Variants in ALMS1 observed in about 807,000 individuals in gnomAD.
ALMS1 encodes the protein centrosome-associated protein ALMS1.
A neutral mutation model predicts 352.2 loss-of-function variants in ALMS1; 271 were observed. The ratio of observed to expected loss-of-function variants is 0.77; its 90% CI spans 0.70 to 0.85. The LOEUF (loss-of-function observed/expected upper bound fraction) is 0.85, where lower values mean the gene tolerates loss of function less well. Ranked by LOEUF, ALMS1 falls within the 40% of genes least tolerant of loss-of-function variation. The pLI, the probability that ALMS1 is intolerant of heterozygous loss-of-function variation, is 0.00. For missense variants in ALMS1, 5,445 were observed against 4,870.7 expected, an observed-to-expected ratio of 1.12 and a Z score of -3.51; for synonymous variants, 1,865 against 1,761.2, an observed-to-expected ratio of 1.06 and a Z score of -1.48.
At position 73,449,570 on chromosome 2, in the gene ALMS1, C is replaced by T. The variant is rs1671883399; in HGVS notation, c.3043C>T (p.Gln1015Ter). 6.2e-7 allele frequency: 1 copy of T among 1,614,090 alleles called. No homozygotes were observed. Among genetic ancestry groups the T allele is most frequent in the Admixed American group, 1.7e-5 (1 of 59,996 alleles). ...HREKPSIFYQ[Q>*]EWPDSYATEK... ...AGAGAAGCCCAGTATTTTCTATCAACAGGAGTGGCCAGATAGTTATGCAAC... is the reference window on the plus strand; with the variant it reads ...AGAGAAGCCCAGTATTTTCTATCAATAGGAGTGGCCAGATAGTTATGCAAC... Residue 1015 changes from glutamine (Q) to a stop codon, truncating the protein, a stop_gained, in exon 8 of 23, where the codon CAG becomes TAG. Coordinates refer to ENST00000613296, the MANE Select transcript of ALMS1 (RefSeq NM_001378454.1). LOFTEE classifies it high-confidence loss of function.
intron 9 of ALMS1, chr2:73,459,097 G>GT (rs1672132893): frequency 1.3e-5 from 2 of 152,142 alleles, no homozygotes; most frequent in South Asian, 4.1e-4. Context: ...TGTTTCTTCT[G>GT]TTTTTTCTTT....
chr2:73,411,341 A>G (rs1477127529), intron 2 of ALMS1, among the ~76,000 whole-genome samples: 1 of 152,112 alleles, frequency 6.6e-6, no homozygotes, highest in South Asian at 2.1e-4. Flanking sequence ...CAGAGGGAGC[A>G]TGACCCTGCC....
chr2:73,403,787 C>T (rs1670917731), intron 1 of ALMS1, among the ~76,000 whole-genome samples: 1 of 152,008 alleles, frequency 6.6e-6, no homozygotes, highest in Non-Finnish European at 1.5e-5. Context: ...TTTTTTGATG[C>T]TATCATAAGT....
chr2:73,530,806 A>G (rs1238003207), intron 11 of ALMS1, among the ~76,000 whole-genome samples: 1 of 152,182 alleles, frequency 6.6e-6, no homozygotes, highest in East Asian at 1.9e-4. Flanking sequence ...TCTTCTGTGC[A>G]TCTGTAGGCC....
intron 11 of ALMS1, 38 bp from the exon 12 acceptor site, chr2:73,534,786 G>A (rs1015945596): frequency 6.2e-7 from 1 of 1,605,474 alleles, no homozygotes; most frequent in Non-Finnish European, 8.5e-7. Context: ...ATTAACAAAT[G>A]TTTTTCATAT....
Position 73,449,018 on chromosome 2 carries a change from C to T in ALMS1, c.2491C>T (p.Pro831Ser). 1 of 1,613,832 alleles carries T rather than the reference C, an allele frequency of 6.2e-7. No homozygotes were observed. The highest frequency in any genetic ancestry group is 8.5e-7 in the Non-Finnish European group (1 of 1,179,894). ...ACAGGCCTTGCTGGACAGCCATCTA[C>T]CCGAAGAGGCTCTGAAAGTTTCAGC... Reference protein sequence around the residue: ...YQQALLDSHLPEEALKVSAVS... With the variant: ...YQQALLDSHLSEEALKVSAVS... The change falls in exon 8 of 23, where the codon CCC becomes TCC. Residue 831 changes from proline (P) to serine (S), a missense_variant. Coordinates refer to ENST00000613296, the MANE Select transcript of ALMS1 (RefSeq NM_001378454.1).
chr2:73,394,795 A>G (rs1670719852), intron 1 of ALMS1, among the ~76,000 whole-genome samples: 1 of 152,030 alleles, frequency 6.6e-6, no homozygotes, highest in Non-Finnish European at 1.5e-5. Flanking sequence ...CCTAGATGGC[A>G]TAGCCTACTA....
Position 73,502,894 on chromosome 2 carries a change from G to A in ALMS1, c.9539+11396G>A, listed in dbSNP as rs192169948. On this transcript the variant is annotated intron_variant, in intron 10 of 22. Transcript: ENST00000613296. The stretch of plus-strand genomic sequence containing the variant: ...TATAGAAAAGGTAAATATGGCACAA[G>A]GAACTTCTCTTTCTCCTTAGTTATT... 9.2e-5 allele frequency among the ~76,000 whole-genome samples: 14 copies of A among 152,200 alleles called. No individual in the cohort carries two copies. The East Asian group carries it at 2.7e-3, about 29-fold the overall frequency.
chr2:73,549,345 C>T (rs1365562681), intron 12 of ALMS1, among the ~76,000 whole-genome samples: 1 of 152,064 alleles, frequency 6.6e-6, no homozygotes, highest in African/African-American at 2.4e-5. Context: ...TCAGATTAAT[C>T]TTCTGGAAAC....
chr2:73,399,933 A>ACTG (rs1670839407), intron 1 of ALMS1, among the ~76,000 whole-genome samples: 1 of 139,564 alleles, frequency 7.2e-6, no homozygotes, highest in Admixed American at 7.4e-5. Flanking sequence ...GATTATATTA[A>ACTG]TTGTTTTTTT....
intron 16 of ALMS1, among the ~76,000 whole-genome samples, chr2:73,597,588 A>G (rs1044143972): frequency 6.6e-6 from 1 of 152,096 alleles, no homozygotes; most frequent in Admixed American, 6.5e-5. Flanking sequence ...TTTTAACATC[A>G]TTTTAGTCTC....
chr2:73,459,273 T>G (rs1672136102), intron 9 of ALMS1: 1 of 152,168 alleles, frequency 6.6e-6, no homozygotes, highest in South Asian at 2.1e-4. Context: ...CACATTATGT[T>G]GATTTGTCTC....
chr2:73,544,106 G>A (rs924415147), intron 12 of ALMS1, among the ~76,000 whole-genome samples: 2 of 152,076 alleles, frequency 1.3e-5, no homozygotes, highest in African/African-American at 2.4e-5. Flanking sequence ...ACAAAGATTT[G>A]GAACCAACCC....
intron 7 of ALMS1, among the ~76,000 whole-genome samples, chr2:73,445,653 C>G (rs1197123140): frequency 2.6e-5 from 4 of 152,032 alleles, no homozygotes; most frequent in Non-Finnish European, 4.4e-5. Context: ...ACCTAGGAAG[C>G]CTTCTGTGTT....
chr2:73,395,832 A>T (rs1670748774), intron 1 of ALMS1, among the ~76,000 whole-genome samples: 1 of 152,072 alleles, frequency 6.6e-6, no homozygotes, highest in Non-Finnish European at 1.5e-5. Flanking sequence ...ATTCAATAGG[A>T]GGGGTAAGAG....
In ALMS1 at chr2:73,426,554, G is replaced by A. The variant is rs1671382976; in HGVS notation, c.1338+1G>A. 1.2e-6 allele frequency: 2 copies of A among 1,613,376 alleles called. No individual in the cohort carries two copies. The highest frequency in any genetic ancestry group is 1.3e-5 in the African/African-American group (1 of 74,916). The stretch of plus-strand genomic sequence containing the variant: ...AAGAGTTGCTGAACTACAAAGAAAG[G>A]TGAGACACAATAAAATGATAGTTGT... On this transcript the variant is annotated splice_donor_variant, in intron 6 of 22. Coordinates refer to ENST00000613296, the MANE Select transcript of ALMS1 (RefSeq NM_001378454.1). LOFTEE classifies it high-confidence loss of function.
intron 16 of ALMS1, among the ~76,000 whole-genome samples, chr2:73,596,860 C>CTTTTTTTTTTTTTTTTTT (rs70965740): frequency 1.1e-4 from 11 of 104,244 alleles, no homozygotes; most frequent in Non-Finnish European, 1.3e-4. Context: ...CCCTCTACCT[C>CTTTTTTTTTTTTTTTTTT]TTTTTTTTTT....
chr2:73,604,232 GTTAA>G (rs749615102), intron 21 of ALMS1, among the ~76,000 whole-genome samples: 159 of 152,186 alleles, frequency 1.0e-3, no homozygotes, highest in African/African-American at 3.2e-3. Flanking sequence ...TTAGCTACTC[GTTAA>G]TTAATTCATT....
intron 9 of ALMS1, among the ~76,000 whole-genome samples, chr2:73,455,610 C>CA (rs960381929): frequency 6.6e-6 from 1 of 152,168 alleles, no homozygotes; most frequent in Non-Finnish European, 1.5e-5. Flanking sequence ...CTACGTTGCC[C>CA]AGGCTGGTCT....
Sources: allele counts gnomAD v4.1 joint callset (sites outside exome capture counted in the v4.1 genomes callset), GRCh38; gene constraint gnomAD v4.1.1; transcripts MANE v1.5; gene names NCBI Gene and HGNC (gene_info 2026-07-23, HGNC 2026-07-21).